The following NCOA3 variants were observed in gnomAD, a reference collection of about 807,000 sequenced individuals.
NCOA3 encodes CBP-interacting protein.
In NCOA3, 51 loss-of-function variants were observed where a neutral mutation model predicts 158.8. The ratio of observed to expected loss-of-function variants is 0.32; its 90% confidence interval spans 0.26 to 0.41. NCOA3 has a LOEUF of 0.41. Ranked by LOEUF, NCOA3 falls within the 10% of genes least tolerant of loss-of-function variation. NCOA3 has a pLI of 1.00. For missense variants in NCOA3, 1,510 were observed against 1,746.6 expected (o/e 0.86, Z 2.41); for synonymous variants, 537 against 592.4 (o/e 0.91, Z 1.36).
intron 2 of NCOA3, among the ~76,000 whole-genome samples, chr20:47,607,846 T>G (rs6094750): frequency 0.13 from 19,517 of 152,196 alleles, 1,721 homozygotes; most frequent in African/African-American, 0.24. Context: ...TTTATATCCT[T>G]AAATCAAGAT....
chr20:47,543,872 G>GT (rs2084784008), intron 1 of NCOA3, among the ~76,000 whole-genome samples: 1 of 152,176 alleles, frequency 6.6e-6, no homozygotes, highest in East Asian at 1.9e-4. Flanking sequence ...ACATAGGAAA[G>GT]ATGTGATATA....
intron 1 of NCOA3, among the ~76,000 whole-genome samples, chr20:47,516,686 C>G (rs555112490): frequency 6.6e-6 from 1 of 151,840 alleles, no homozygotes; most frequent in African/African-American, 2.4e-5. Context: ...TTTGGGAGGC[C>G]GAGGCAGGCA....
intron 6 of NCOA3, 46 bp from the exon 7 acceptor site, chr20:47,627,515 T>C: frequency 6.9e-7 from 1 of 1,450,216 alleles, no homozygotes; most frequent in Non-Finnish European, 9.5e-7. Context: ...GGTCATAGAA[T>C]GAGTTACCAG....
At chr20:47,606,122 G>A (rs2085942881) in intron 2 of NCOA3, among the ~76,000 whole-genome samples, 4 of 152,154 alleles carry the variant, frequency 2.6e-5, no homozygotes, top group South Asian at 2.1e-4. Flanking sequence ...GGGATTATAG[G>A]CATGAGCCAC....
At chr20:47,648,422 A>G (rs976337751) in intron 18 of NCOA3, among the ~76,000 whole-genome samples, 1 of 152,170 alleles carries the variant, frequency 6.6e-6, no homozygotes, top group African/African-American at 2.4e-5. Flanking sequence ...TCCCAGAGAA[A>G]GCCTGACTAT....
intron 1 of NCOA3, among the ~76,000 whole-genome samples, chr20:47,526,656 C>T (rs2084456904): frequency 6.6e-6 from 1 of 152,186 alleles, no homozygotes; most frequent in Admixed American, 6.5e-5. Context: ...AGGCACTTGG[C>T]AAGCTGAGGC....
intron 1 of NCOA3, among the ~76,000 whole-genome samples, chr20:47,561,977 C>CT (rs145723096): frequency 0.07 from 10,400 of 148,764 alleles, 440 homozygotes; most frequent in Non-Finnish European, 0.099. Context: ...CATAGTTTTG[C>CT]TTTTTTTTTT....
intron 1 of NCOA3, among the ~76,000 whole-genome samples, chr20:47,576,920 G>GGA (rs1002980861): frequency 1.3e-5 from 2 of 152,160 alleles, no homozygotes; most frequent in African/African-American, 2.4e-5. Flanking sequence ...AAAGTGGCAG[G>GGA]GAGAGAGAGG....
At chr20:47,626,896 G>A in intron 5 of NCOA3, 106 bp from the exon 6 acceptor site, 3 of 1,038,216 alleles carry the variant, frequency 2.9e-6, no homozygotes, top group Non-Finnish European at 4.2e-6. Context: ...TGAAGGTCTT[G>A]TTTCCAAATA....
At chr20:47,587,231 G>A (rs2085549898) in intron 2 of NCOA3, among the ~76,000 whole-genome samples, 1 of 152,066 alleles carries the variant, frequency 6.6e-6, no homozygotes, top group African/African-American at 2.4e-5. Flanking sequence ...CACTTACCCT[G>A]CTTAATTATT....
intron 1 of NCOA3, among the ~76,000 whole-genome samples, chr20:47,545,088 C>G (rs1392137908): frequency 6.7e-6 from 1 of 148,810 alleles, no homozygotes; most frequent in Non-Finnish European, 1.5e-5. Context: ...CAGAGCATAG[C>G]TGTTACAGTA....
Position 47,623,911 on chromosome 20 carries a change from T to G in NCOA3, c.84T>G (p.Gly28=). The change falls in exon 4 of 23, where the codon GGT becomes GGG. Residue 28 remains glycine (G), a splice_region_variant and synonymous_variant. Transcript: ENST00000371998. ...RKLPCDTPGQ[G]LTCSGEKRRR... is the part of the protein sequence containing the mutation. ...CCCCTTTCTACGCCTTTTCCCTTAG[T>G]CTTACCTGCAGTGGTGAAAAACGGA... 1 of 1,611,270 alleles carries G rather than the reference T, an allele frequency of 6.2e-7. No individual in the cohort carries two copies. The highest frequency in any genetic ancestry group is 1.1e-5 in the South Asian group (1 of 90,560).
chr20:47,584,007 A>G (rs2085494019), intron 2 of NCOA3, among the ~76,000 whole-genome samples: 1 of 152,184 alleles, frequency 6.6e-6, no homozygotes. Flanking sequence ...AGGAGGCTGG[A>G]CATGGTGGCT....
At chr20:47,526,310 C>T (rs1391495776) in intron 1 of NCOA3, among the ~76,000 whole-genome samples, 3 of 151,798 alleles carry the variant, frequency 2.0e-5, no homozygotes, top group African/African-American at 7.3e-5. Context: ...CCTCACATCC[C>T]AGACGATGGG....
At chr20:47,593,773 T>C (rs996171623) in intron 2 of NCOA3, among the ~76,000 whole-genome samples, 1 of 152,214 alleles carries the variant, frequency 6.6e-6, no homozygotes, top group Admixed American at 6.5e-5. Flanking sequence ...CAAGTGCCTT[T>C]ATATAAACAT....
intron 1 of NCOA3, among the ~76,000 whole-genome samples, chr20:47,511,235 T>TTTTC (rs373100447): frequency 1.3e-5 from 2 of 149,120 alleles, no homozygotes; most frequent in African/African-American, 2.5e-5. Flanking sequence ...GATTTAAACA[T>TTTTC]TTTCTTTCTT....
chr20:47,505,022 TTTTTTTTGCGGGCAGGGGCG>T (rs2084007116), intron 1 of NCOA3, among the ~76,000 whole-genome samples: 4 of 124,204 alleles, frequency 3.2e-5, no homozygotes, highest in African/African-American at 8.6e-5. Flanking sequence ...TTTTTTTTTT[TTTTTTTTGCGGGCAGGGGCG>T]TTTTTTTTTT....
chr20:47,639,877 A>G, intron 15 of NCOA3, 48 bp from the exon 16 acceptor site: 2 of 1,612,816 alleles, frequency 1.2e-6, no homozygotes, highest in Non-Finnish European at 1.7e-6. Context: ...GTTTCAGGAT[A>G]ATTTTTGCTC....
chr20:47,548,679 G>A (rs923668526), intron 1 of NCOA3, among the ~76,000 whole-genome samples: 1 of 152,184 alleles, frequency 6.6e-6, no homozygotes, highest in Admixed American at 6.5e-5. Flanking sequence ...TTAAAAAAGT[G>A]TGCATGTATA....
Sources: gnomAD v4.1 joint callset for allele counts (sites outside exome capture counted in the v4.1 genomes callset) on GRCh38, gnomAD v4.1.1 for gene constraint, MANE v1.5 for transcripts, NCBI Gene and HGNC (gene_info 2026-07-23, HGNC 2026-07-21) for gene names.